The following ENPEP variants were observed in gnomAD, a reference collection of about 807,000 sequenced individuals.
ENPEP encodes the protein AP-A.
ENPEP carries 103 observed loss-of-function variants against 114.5 expected under a neutral mutation model. That is an observed-to-expected ratio of 0.90 (90% CI 0.77 to 1.06). ENPEP has a LOEUF of 1.06. ENPEP is among the 50% of genes least tolerant of loss of function. ENPEP has a pLI of 0.00. For synonymous variants in ENPEP, 420 were observed against 422.0 expected (o/e 1.00, Z 0.06); for missense variants, 1,196 against 1,161.3 (o/e 1.03, Z -0.43).
chr4:110,558,915 C>T (rs1387170423), intron 18 of ENPEP, among the ~76,000 whole-genome samples: 1 of 152,152 alleles, frequency 6.6e-6, no homozygotes, highest in Non-Finnish European at 1.5e-5. Context: ...ATGCCAGCAA[C>T]TAATAAAGCT....
rs1411818143 is a variant in ENPEP, at chr4:110,506,701, G to A, written c.983G>A (p.Ser328Asn). The A allele has an allele frequency of 1.2e-5, 20 of 1,610,590 alleles. No homozygotes were observed. Among genetic ancestry groups the A allele is most frequent in the East Asian group, 2.2e-5 (1 of 44,788 alleles). ...TAEYAANITK[S>N]VFDYFEEYFA... ...GAATATGCTGCAAACATAACTAAAA[G>A]TGTGTTTGATTATTTTGAAGAATAC... is the stretch of plus-strand genomic sequence containing the variant. The change falls in exon 4 of 20, where the codon AGT becomes AAT. Residue 328 changes from serine to asparagine, a missense_variant. Ser to Asn is a conservative substitution (Grantham distance 46). Coordinates refer to ENST00000265162, the MANE Select transcript of ENPEP (RefSeq NM_001977.4).
At chr4:110,488,509 G>A (rs1426573790) in intron 1 of ENPEP, 32 bp from the exon 2 acceptor site, 29 of 1,573,078 alleles carry the variant, frequency 1.8e-5, no homozygotes, top group Non-Finnish European at 2.2e-5. Flanking sequence ...GAGGCAGCAT[G>A]CATTTCGTTT....
Position 110,531,188 on chromosome 4 carries a change from A to G in ENPEP, c.1728-10A>G. 7.0e-7 allele frequency: 1 copy of G among 1,426,768 alleles called. No homozygotes were observed. The highest frequency in any genetic ancestry group is 9.4e-7 in the Non-Finnish European group (1 of 1,069,346). The allele number at this position is 1,426,768 out of a possible 1,614,324, so 88.4% of individuals were successfully genotyped here. A position where few individuals can be genotyped will look rare whatever the true frequency, so the allele number is the denominator to read the frequency against. ...TAAAAGTTAAATTTTTCTTTTTAAA[A>G]AAATTTTAGTTATACATGGAATATC... On this transcript the variant is annotated splice_polypyrimidine_tract_variant and intron_variant, in intron 10 of 19. Coordinates refer to ENST00000265162, the MANE Select transcript of ENPEP (RefSeq NM_001977.4).
intron 18 of ENPEP, among the ~76,000 whole-genome samples, chr4:110,553,822 A>G (rs1727378914): frequency 6.6e-6 from 1 of 152,032 alleles, no homozygotes; most frequent in Non-Finnish European, 1.5e-5. Flanking sequence ...GGTAAAAATT[A>G]TTGGACCTGG....
intron 11 of ENPEP, among the ~76,000 whole-genome samples, chr4:110,540,379 A>G (rs1248715519): frequency 1.3e-5 from 2 of 152,110 alleles, no homozygotes; most frequent in Non-Finnish European, 2.9e-5. Context: ...TGCATTTTCC[A>G]AGTGCTCCAT....
At chr4:110,561,331 C>A in intron 19 of ENPEP, 75 bp from the exon 20 acceptor site, 1 of 1,504,736 alleles carries the variant, frequency 6.6e-7, no homozygotes, top group Non-Finnish European at 9.2e-7. Context: ...AAAGCAAATC[C>A]AGTTTGTGAA....
chr4:110,526,231 A>C (rs895455980), intron 10 of ENPEP, among the ~76,000 whole-genome samples: 9 of 152,144 alleles, frequency 5.9e-5, no homozygotes, highest in African/African-American at 2.2e-4. Context: ...AGCCAAGATC[A>C]TGCTACTGCA....
At chr4:110,534,939 T>A (rs938608913) in intron 11 of ENPEP, among the ~76,000 whole-genome samples, 4 of 152,210 alleles carry the variant, frequency 2.6e-5, no homozygotes, top group African/African-American at 4.8e-5. Context: ...CCTAGTTTAA[T>A]GAAGGGTTGT....
chr4:110,513,410 T>C lies in ENPEP; in HGVS notation c.1309-5T>C. On this transcript the variant is annotated splice_polypyrimidine_tract_variant and splice_region_variant and intron_variant, in intron 6 of 19. Coordinates refer to ENST00000265162, the MANE Select transcript of ENPEP (RefSeq NM_001977.4). ...ATATTCCTTTGGCTCATTCTTTCAT[T>C]TCAGCGTGACCAAATGTTACTTGAA... The C allele has an allele frequency of 6.2e-7, 1 of 1,610,838 alleles. No individual in the cohort carries two copies. The highest frequency in any genetic ancestry group is 8.5e-7 in the Non-Finnish European group (1 of 1,178,622).
At chr4:110,511,890 A>T (rs1725591081) in intron 6 of ENPEP, among the ~76,000 whole-genome samples, 1 of 151,966 alleles carries the variant, frequency 6.6e-6, no homozygotes, top group Non-Finnish European at 1.5e-5. Flanking sequence ...CAGCCTCCTG[A>T]GTAGCTGGGA....
chr4:110,552,540 G>C (rs578129351), intron 17 of ENPEP, among the ~76,000 whole-genome samples: 13 of 152,266 alleles, frequency 8.5e-5, no homozygotes, highest in Admixed American at 6.5e-4. Flanking sequence ...CAATGGGTAG[G>C]ATGCCATGGG....
chr4:110,507,713 C>T (rs1477442122), intron 4 of ENPEP, among the ~76,000 whole-genome samples: 7 of 152,328 alleles, frequency 4.6e-5, no homozygotes, highest in Middle Eastern at 3.4e-3. Flanking sequence ...CAGTGGCTCA[C>T]GCCTGTAATC....
chr4:110,494,800 A>G (rs1191609812), intron 3 of ENPEP, among the ~76,000 whole-genome samples: 1 of 152,232 alleles, frequency 6.6e-6, no homozygotes, highest in Non-Finnish European at 1.5e-5. Context: ...GAGTAACATG[A>G]AGAGTTACTT....
At chr4:110,530,670 T>C (rs1726375017) in intron 10 of ENPEP, among the ~76,000 whole-genome samples, 1 of 152,196 alleles carries the variant, frequency 6.6e-6, no homozygotes, top group Non-Finnish European at 1.5e-5. Context: ...TCAGTTCTAG[T>C]TCTAAATAGG....
At chr4:110,541,557 T>C (rs1206537821) in intron 11 of ENPEP, among the ~76,000 whole-genome samples, 1 of 152,146 alleles carries the variant, frequency 6.6e-6, no homozygotes, top group East Asian at 1.9e-4. Context: ...TTAGTCTTCT[T>C]GTCGCTAGAA....
intron 10 of ENPEP, among the ~76,000 whole-genome samples, chr4:110,522,239 T>C (rs865797044): frequency 6.6e-6 from 1 of 151,796 alleles, no homozygotes; most frequent in African/African-American, 2.4e-5. Flanking sequence ...TGGAGTGCAA[T>C]GGCAGGATGT....
intron 3 of ENPEP, among the ~76,000 whole-genome samples, chr4:110,496,385 A>G (rs1442861582): frequency 6.6e-6 from 1 of 152,212 alleles, no homozygotes; most frequent in Non-Finnish European, 1.5e-5. Context: ...TTAGATTTAC[A>G]GAGAGTTGCA....
At chr4:110,545,546 C>G (rs1727023523) in intron 13 of ENPEP, among the ~76,000 whole-genome samples, 1 of 151,968 alleles carries the variant, frequency 6.6e-6, no homozygotes, top group South Asian at 2.1e-4. Context: ...TCTATGTCTC[C>G]CGAGTCACCG....
intron 11 of ENPEP, among the ~76,000 whole-genome samples, chr4:110,540,582 T>C (rs964596907): frequency 1.3e-5 from 2 of 152,156 alleles, no homozygotes; most frequent in Non-Finnish European, 2.9e-5. Context: ...GGAAAGTCCT[T>C]AACTACTGAC....
Sources: gnomAD v4.1 joint callset for allele counts (sites outside exome capture counted in the v4.1 genomes callset) on GRCh38, gnomAD v4.1.1 for gene constraint, MANE v1.5 for transcripts, NCBI Gene and HGNC (gene_info 2026-07-23, HGNC 2026-07-21) for gene names.